CDH23: variants seen among roughly 807,000 people sequenced by gnomAD.
CDH23 encodes cadherin-23.
A neutral mutation model predicts 317.1 loss-of-function variants in CDH23; 189 were observed. That is an observed-to-expected ratio of 0.60 (90% CI 0.53 to 0.67). The LOEUF is 0.67. Among genes scored for constraint, CDH23 ranks in the 30% least tolerant of loss-of-function variants. CDH23 has a pLI of 0.00. For missense variants in CDH23, 4,401 were observed against 4,592.4 expected (o/e 0.96, Z 1.20); for synonymous variants, 1,839 against 1,876.8 (o/e 0.98, Z 0.52).
intron 1 of CDH23, among the ~76,000 whole-genome samples, chr10:71,428,381 G>A (rs573499920): frequency 2.5e-4 from 38 of 151,754 alleles, no homozygotes; most frequent in African/African-American, 9.2e-4. Context: ...CAAGTGATCC[G>A]CCCACCTCAG....
Position 71,802,029 on chromosome 10 carries a change from G to A in CDH23, c.7483-869G>A, listed in dbSNP as rs538512228. ...ATCTTTAAAGTCACGGCTGCTGGCC[G>A]GAGCATGGTGGCTCATGCCTGTAAT... On this transcript the variant is annotated intron_variant, in intron 53 of 69. Coordinates refer to ENST00000224721, the MANE Select transcript of CDH23 (RefSeq NM_022124.6). Among the ~76,000 whole-genome samples, 161 of 152,318 alleles carry A rather than the reference G, an allele frequency of 1.1e-3. 3 individuals carry two copies. Among genetic ancestry groups the A allele is most frequent in the African/African-American group, 1.8e-3 (73 of 41,570 alleles).
intron 3 of CDH23, among the ~76,000 whole-genome samples, chr10:71,452,451 G>T (rs977713063): frequency 6.6e-6 from 1 of 152,038 alleles, no homozygotes; most frequent in East Asian, 1.9e-4. Flanking sequence ...CTGACACCTC[G>T]CACACTGTTG....
At chr10:71,700,189 C>G (rs564072951) in intron 22 of CDH23, among the ~76,000 whole-genome samples, 2 of 152,112 alleles carry the variant, frequency 1.3e-5, no homozygotes, top group Non-Finnish European at 2.9e-5. Context: ...GAGTTTGAGA[C>G]CAACCTGGCC....
chr10:71,609,832 A>G (rs1376252982), intron 9 of CDH23, among the ~76,000 whole-genome samples: 1 of 152,064 alleles, frequency 6.6e-6, no homozygotes, highest in East Asian at 1.9e-4. Flanking sequence ...ACCAGTCCCC[A>G]TGGTAGGCCA....
intron 10 of CDH23, among the ~76,000 whole-genome samples, chr10:71,616,414 G>C (rs906477941): frequency 6.6e-6 from 1 of 152,190 alleles, no homozygotes; most frequent in Non-Finnish European, 1.5e-5. Flanking sequence ...ATGGGAGGGC[G>C]TGCTCCCACC....
intron 48 of CDH23, among the ~76,000 whole-genome samples, chr10:71,795,155 A>G (rs1295511242): frequency 4.6e-5 from 7 of 152,188 alleles, no homozygotes; most frequent in South Asian, 2.1e-4. Flanking sequence ...AATATACTTC[A>G]ATACATTACA....
chr10:71,657,349 G>T (rs1863461464), intron 14 of CDH23, among the ~76,000 whole-genome samples: 1 of 152,222 alleles, frequency 6.6e-6, no homozygotes, highest in Non-Finnish European at 1.5e-5. Flanking sequence ...CAGGTCATAG[G>T]CCAGGGCCTG....
chr10:71,812,478 A>G lies in CDH23; in HGVS notation c.9381-2A>G, dbSNP rs1841971198. ...CCCACCCTTTTCCCTCCCCAACTGCAGAGCCAACCCTGTGTGGCTGGATCC... is the reference window on the plus strand; with the variant it reads ...CCCACCCTTTTCCCTCCCCAACTGCGGAGCCAACCCTGTGTGGCTGGATCC... On this transcript the variant is annotated splice_acceptor_variant, in intron 66 of 69. Coordinates refer to ENST00000224721, the MANE Select transcript of CDH23 (RefSeq NM_022124.6). LOFTEE classifies it high-confidence loss of function. The G allele has an allele frequency of 7.4e-7, 1 of 1,350,042 alleles. No individual in the cohort carries two copies. Among genetic ancestry groups the G allele is most frequent in the Non-Finnish European group, 9.9e-7 (1 of 1,008,816 alleles). 83.6% of individuals were successfully genotyped at this position (1,350,042 alleles called of 1,614,324 possible). A position where few individuals can be genotyped will look rare whatever the true frequency, so the allele number is the denominator to read the frequency against.
At chr10:71,472,024 G>A (rs1564601686) in intron 3 of CDH23, among the ~76,000 whole-genome samples, 1 of 152,194 alleles carries the variant, frequency 6.6e-6, no homozygotes, top group African/African-American at 2.4e-5. Flanking sequence ...TCTGGTGCTC[G>A]ACAGATGATA....
At chr10:71,563,986 C>A (rs1421680583) in intron 6 of CDH23, among the ~76,000 whole-genome samples, 1 of 152,126 alleles carries the variant, frequency 6.6e-6, no homozygotes, top group Non-Finnish European at 1.5e-5. Context: ...TGGGTAGGAG[C>A]TGCTAACAGC....
rs193021772 is a variant in CDH23, at chr10:71,518,290, C to G, written c.429+7078C>G. On this transcript the variant is annotated intron_variant, in intron 6 of 69. Coordinates refer to ENST00000224721, the MANE Select transcript of CDH23 (RefSeq NM_022124.6). ...GCATGTTCCATCCTGTGTCCTGCCT[C>G]CCAGAGGGCCCTATGAACTCGTTCT... is the stretch of plus-strand genomic sequence containing the variant. Among the ~76,000 whole-genome samples the G allele has an allele frequency of 1.7e-3, 253 of 152,290 alleles. 1 individual carries two copies. Among genetic ancestry groups the G allele is most frequent in the African/African-American group, 5.9e-3 (244 of 41,568 alleles).
chr10:71,555,012 G>A (rs745687647), intron 6 of CDH23, among the ~76,000 whole-genome samples: 24 of 152,170 alleles, frequency 1.6e-4, no homozygotes, highest in South Asian at 2.1e-4. Context: ...GGCACCACAC[G>A]GATCCTTCCT....
At chr10:71,523,085 G>A (rs903646873) in intron 6 of CDH23, among the ~76,000 whole-genome samples, 1 of 152,182 alleles carries the variant, frequency 6.6e-6, no homozygotes, top group African/African-American at 2.4e-5. Flanking sequence ...GCTGCCTTTA[G>A]AGGAGCCGGC....
intron 6 of CDH23, among the ~76,000 whole-genome samples, chr10:71,559,082 A>G (rs929016105): frequency 6.6e-6 from 1 of 152,168 alleles, no homozygotes; most frequent in Non-Finnish European, 1.5e-5. Flanking sequence ...CCTCCCACTC[A>G]GCATCACCTG....
intron 28 of CDH23, chr10:71,713,479 G>T: frequency 1.7e-6 from 1 of 577,386 alleles, no homozygotes; most frequent in Non-Finnish European, 3.1e-6. Context: ...GCAGGCTCCC[G>T]GGCTTGGGAG....
At chr10:71,673,007 A>G (rs957284208) in intron 14 of CDH23, among the ~76,000 whole-genome samples, 11 of 149,942 alleles carry the variant, frequency 7.3e-5, no homozygotes, top group African/African-American at 2.7e-4. Flanking sequence ...TCTCTCCTCT[A>G]CTTCCCTTTT....
chr10:71,670,031 A>G lies in CDH23; in HGVS notation c.1450-5081A>G, dbSNP rs1237478404. ...AAAAATTTACTAAATATGTGACTGAACAAGTGTCTGGTCACTGTTTTCATG... is the reference window on the plus strand; with the variant it reads ...AAAAATTTACTAAATATGTGACTGAGCAAGTGTCTGGTCACTGTTTTCATG... On this transcript the variant is annotated intron_variant, in intron 14 of 69. Transcript: ENST00000224721. Among the ~76,000 whole-genome samples, 4 of 152,174 alleles carry G rather than the reference A, an allele frequency of 2.6e-5. No homozygotes were observed. In the South Asian group the frequency reaches 8.3e-4, roughly 32 times the overall value.
chr10:71,586,470 A>T (rs1182475244), intron 9 of CDH23, among the ~76,000 whole-genome samples: 1 of 152,180 alleles, frequency 6.6e-6, no homozygotes, highest in African/African-American at 2.4e-5. Context: ...ACATTGGTCC[A>T]TGTGTAGCTC....
chr10:71,791,408 G>A, intron 47 of CDH23, 73 bp downstream of exon 47: 3 of 1,352,100 alleles, frequency 2.2e-6, no homozygotes, highest in Non-Finnish European at 3.1e-6. Flanking sequence ...GGAGCCTCAG[G>A]TTGGACACGG....
Sources: allele counts gnomAD v4.1 joint callset (sites outside exome capture counted in the v4.1 genomes callset), GRCh38; gene constraint gnomAD v4.1.1; transcripts MANE v1.5; gene names NCBI Gene and HGNC (gene_info 2026-07-23, HGNC 2026-07-21).